The following KCND2 variants were observed in gnomAD, a reference collection of about 807,000 sequenced individuals.
KCND2 encodes A-type voltage-gated potassium channel KCND2.
A neutral mutation model predicts 54.4 loss-of-function variants in KCND2; 16 were observed. The ratio of observed to expected loss-of-function variants is 0.29; its 90% CI spans 0.20 to 0.45. The LOEUF is 0.45. Among genes scored for constraint, KCND2 ranks in the 20% least tolerant of loss-of-function variants. The probability of loss-of-function intolerance (pLI) is 1.00; values close to 1 mark genes in which losing one functional copy is unlikely to be tolerated. For synonymous variants in KCND2, 317 were observed against 310.7 expected, an observed-to-expected ratio of 1.02 and a Z score of -0.21; for missense variants, 486 against 824.2, an observed-to-expected ratio of 0.59 and a Z score of 5.02.
intron 1 of KCND2, among the ~76,000 whole-genome samples, chr7:120,546,240 A>G (rs1792041176): frequency 1.3e-5 from 2 of 151,938 alleles, no homozygotes; most frequent in Admixed American, 6.6e-5. Context: ...ATATATGTTG[A>G]TTGAACACGG....
intron 1 of KCND2, among the ~76,000 whole-genome samples, chr7:120,341,088 T>C (rs1177546682): frequency 1.3e-5 from 2 of 152,112 alleles, no homozygotes; most frequent in African/African-American, 4.8e-5. Flanking sequence ...GAACAGAGTA[T>C]ATGAGTTTGG....
chr7:120,709,928 C>T (rs1431758116), intron 1 of KCND2, among the ~76,000 whole-genome samples: 5 of 152,144 alleles, frequency 3.3e-5, no homozygotes. Context: ...TGTGCCCATA[C>T]TCCATTGTCC....
intron 1 of KCND2, among the ~76,000 whole-genome samples, chr7:120,432,523 A>C (rs7797833): frequency 1.4e-3 from 180 of 133,280 alleles, no homozygotes; most frequent in African/African-American, 6.2e-3. Flanking sequence ...ACACACACAC[A>C]CCCCTCATTT....
rs370128053 is a variant in KCND2, at chr7:120,293,393, ACT to A, written c.1115+17649_1115+17650del. Among the ~76,000 whole-genome samples, 117 of 151,952 alleles carry A rather than the reference ACT, an allele frequency of 7.7e-4. 2 individuals carry two copies. In the Middle Eastern group the frequency reaches 0.024, roughly 31 times the overall value. On this transcript the variant is annotated intron_variant, in intron 1 of 5. Transcript: ENST00000331113. ...AGAAGGGAAGGAGAAGAGAAGGAAG[ACT>A]CTATAACAAATTCTAATTGAATTGT...
chr7:120,402,950 G>A (rs1277356108), intron 1 of KCND2, among the ~76,000 whole-genome samples: 1 of 152,128 alleles, frequency 6.6e-6, no homozygotes, highest in Non-Finnish European at 1.5e-5. Flanking sequence ...TAATGGGACT[G>A]GTATGTAATA....
At chr7:120,645,865 T>C (rs985144918) in intron 1 of KCND2, among the ~76,000 whole-genome samples, 2 of 152,206 alleles carry the variant, frequency 1.3e-5, no homozygotes, top group Non-Finnish European at 1.5e-5. Context: ...CAAAATAGCT[T>C]CACATTCATA....
intron 1 of KCND2, among the ~76,000 whole-genome samples, chr7:120,330,101 T>C (rs1211909446): frequency 6.6e-6 from 1 of 152,160 alleles, no homozygotes; most frequent in African/African-American, 2.4e-5. Flanking sequence ...AGATTGACAC[T>C]ACCTGGGTTG....
At chr7:120,696,519 G>A (rs1019027536) in intron 1 of KCND2, among the ~76,000 whole-genome samples, 1 of 152,172 alleles carries the variant, frequency 6.6e-6, no homozygotes, top group African/African-American at 2.4e-5. Context: ...TCAATGCTAT[G>A]GTTTGAACGT....
chr7:120,409,746 A>C (rs1801420295), intron 1 of KCND2, among the ~76,000 whole-genome samples: 1 of 151,738 alleles, frequency 6.6e-6, no homozygotes, highest in Admixed American at 6.6e-5. Context: ...TTGCCTTATA[A>C]TTATTCAGTT....
intron 1 of KCND2, among the ~76,000 whole-genome samples, chr7:120,729,738 A>C (rs1016113323): frequency 5.3e-5 from 8 of 152,246 alleles, no homozygotes; most frequent in African/African-American, 1.7e-4. Flanking sequence ...AGTCCTGCCC[A>C]GTCCTTGCAA....
At chr7:120,505,125 CT>C (rs1227315775) in intron 1 of KCND2, among the ~76,000 whole-genome samples, 1 of 151,706 alleles carries the variant, frequency 6.6e-6, no homozygotes, top group Non-Finnish European at 1.5e-5. Flanking sequence ...GCTCTGCTAG[CT>C]ACCATTGAAT....
intron 1 of KCND2, among the ~76,000 whole-genome samples, chr7:120,626,349 C>T (rs938526302): frequency 6.6e-6 from 1 of 152,166 alleles, no homozygotes. Flanking sequence ...ATCATATGCT[C>T]ACTTTAGATG....
In KCND2 at chr7:120,601,833, C is replaced by G. The variant is rs184464721; in HGVS notation, c.1116-131070C>G. On this transcript the variant is annotated intron_variant, in intron 1 of 5. Transcript: ENST00000331113. ...AACTCTCTACCCACACTGAACTACA[C>G]TATCCCTTAGAATATATAACCCTTT... Among the ~76,000 whole-genome samples, 441 of 152,288 alleles carry G rather than the reference C, an allele frequency of 2.9e-3. 1 individual carries two copies. Among genetic ancestry groups the G allele is most frequent in the Non-Finnish European group, 4.8e-3 (326 of 68,008 alleles).
intron 1 of KCND2, among the ~76,000 whole-genome samples, chr7:120,425,990 G>C (rs538342613): frequency 1.3e-5 from 2 of 151,034 alleles, no homozygotes; most frequent in Non-Finnish European, 2.9e-5. Context: ...TAGAAGTAAA[G>C]GAATATTACA....
At chr7:120,422,892 G>A (rs1378640129) in intron 1 of KCND2, among the ~76,000 whole-genome samples, 1 of 152,106 alleles carries the variant, frequency 6.6e-6, no homozygotes, top group Admixed American at 6.5e-5. Context: ...GTCGTTTTTC[G>A]TCTGCTTAGG....
At chr7:120,730,019 A>G (rs1792785375) in intron 1 of KCND2, among the ~76,000 whole-genome samples, 1 of 152,178 alleles carries the variant, frequency 6.6e-6, no homozygotes, top group African/African-American at 2.4e-5. Flanking sequence ...TAGTGATCCT[A>G]GAATACAAAA....
At chr7:120,604,655 T>C (rs4464900) in intron 1 of KCND2, among the ~76,000 whole-genome samples, 140,414 of 151,604 alleles carry the variant, frequency 0.93, 65,608 homozygotes, top group Middle Eastern at 0.99. Context: ...CTTGCATTCC[T>C]GTGTCTTGAA....
Position 120,275,712 on chromosome 7 carries a change from C to T in KCND2, c.1080C>T (p.Ala360=). 6.2e-7 allele frequency: 1 copy of T among 1,601,134 alleles called. No homozygotes were observed. The highest frequency in any genetic ancestry group is 8.5e-7 in the Non-Finnish European group (1 of 1,179,948). Residue 360 remains alanine, a synonymous_variant, in exon 1 of 6, where the codon GCC becomes GCT. Transcript: ENST00000331113. ...SASKFTSIPA[A]FWYTIVTMTT... ...GCAAGTTCACCAGCATCCCTGCAGCCTTCTGGTATACCATCGTCACCATGA... is the reference window on the plus strand; with the variant it reads ...GCAAGTTCACCAGCATCCCTGCAGCTTTCTGGTATACCATCGTCACCATGA...
chr7:120,543,414 AG>A (rs1048850872), intron 1 of KCND2, among the ~76,000 whole-genome samples: 1 of 152,080 alleles, frequency 6.6e-6, no homozygotes, highest in Non-Finnish European at 1.5e-5. Flanking sequence ...CACAAAAAAA[AG>A]AGAAGAAATT....
Sources: allele counts gnomAD v4.1 joint callset (sites outside exome capture counted in the v4.1 genomes callset), GRCh38; gene constraint gnomAD v4.1.1; transcripts MANE v1.5; gene names NCBI Gene and HGNC (gene_info 2026-07-23, HGNC 2026-07-21).